LITAF: variants seen among roughly 807,000 people sequenced by gnomAD.
LITAF encodes lipopolysaccharide-induced tumor necrosis factor-alpha factor.
LITAF carries 9 observed loss-of-function variants against 14.5 expected under a neutral mutation model. The ratio of observed to expected loss-of-function variants is 0.62; its 90% confidence interval spans 0.37 to 1.08. LITAF has a LOEUF of 1.08. LITAF is among the 50% of genes least tolerant of loss of function. The probability of loss-of-function intolerance (pLI) is 0.01; values close to 1 mark genes in which losing one functional copy is unlikely to be tolerated. For synonymous variants in LITAF, 98 were observed against 88.2 expected (o/e 1.11, Z -0.62); for missense variants, 206 against 213.4 (o/e 0.97, Z 0.22).
upstream of LITAF, among the ~76,000 whole-genome samples, chr16:11,588,742 G>A (rs905670212): frequency 1.6e-4 from 24 of 152,126 alleles, no homozygotes; most frequent in East Asian, 2.9e-3. Flanking sequence ...CATTGCTAGG[G>A]AGACATAACA....
intron 1 of LITAF, among the ~76,000 whole-genome samples, chr16:11,579,252 C>A (rs2141824414): frequency 6.6e-6 from 1 of 151,702 alleles, no homozygotes; most frequent in South Asian, 2.1e-4. Context: ...GAGATCGAGA[C>A]CATCCTGGCT....
chr16:11,637,908 A>ATATATC (rs1208012312), upstream of LITAF, among the ~76,000 whole-genome samples: 51 of 59,592 alleles, frequency 8.6e-4, 6 homozygotes, highest in South Asian at 2.1e-3. Flanking sequence ...CTATATATAT[A>ATATATC]TATATCTATA....
intron 1 of LITAF, among the ~76,000 whole-genome samples, chr16:11,572,249 G>A (rs1375249133): frequency 6.6e-6 from 1 of 151,802 alleles, no homozygotes; most frequent in African/African-American, 2.4e-5. Context: ...CCCCAGGTAC[G>A]CAGGGTCTGC....
At chr16:11,636,110 A>G (rs2065137019) in intron 1 of LITAF, 1 of 152,222 alleles carries the variant, frequency 6.6e-6, no homozygotes, top group African/African-American at 2.4e-5. Context: ...CATCCCAAGC[A>G]TGGAGAAATT....
At position 11,612,956 on chromosome 16, in the gene LITAF, C is replaced by T. The variant is rs1375914375; in HGVS notation, c.85+20577G>A. Among the ~76,000 whole-genome samples the T allele has an allele frequency of 2.0e-5, 3 of 152,294 alleles. No individual in the cohort carries two copies. In the East Asian group the frequency reaches 5.8e-4, roughly 29 times the overall value. On this transcript the variant is annotated intron_variant, in intron 3 of 3. Transcript: ENST00000574848. The stretch of plus-strand genomic sequence containing the variant: ...CAAAAGCTGTCATCTTGGGGCACAG[C>T]CGATGGCCTGGGTGCCTCTTGATGG...
intron 3 of LITAF, among the ~76,000 whole-genome samples, chr16:11,616,203 G>A (rs990159426): frequency 6.6e-6 from 1 of 152,162 alleles, no homozygotes; most frequent in African/African-American, 2.4e-5. Flanking sequence ...GCTGGACACC[G>A]TGGCTCCCAC....
At position 11,564,226 on chromosome 16, in the gene LITAF, T is replaced by C. The variant is rs536376545; in HGVS notation, c.-5-7491A>G. 5.9e-4 allele frequency among the ~76,000 whole-genome samples: 89 copies of C among 152,036 alleles called. 1 individual carries two copies. Among genetic ancestry groups the C allele is most frequent in the Middle Eastern group, 3.4e-3 (1 of 294 alleles). On this transcript the variant is annotated intron_variant, in intron 1 of 3. Transcript: ENST00000622633. ...CGCCCGGCCTCAGTTTTGTTAAAAG[T>C]GGAGGCAAAAAACCCAGGAACCCGC... is the stretch of plus-strand genomic sequence containing the variant.
At chr16:11,603,353 C>A (rs1172275497), upstream of LITAF, among the ~76,000 whole-genome samples, 1 of 152,246 alleles carries the variant, frequency 6.6e-6, no homozygotes, top group African/African-American at 2.4e-5. Flanking sequence ...GAGCTGTCAG[C>A]AGGCTTTTGA....
chr16:11,550,065 G>A lies in LITAF; in HGVS notation c.378-320C>T, dbSNP rs180736705. Among the ~76,000 whole-genome samples, 131 of 152,292 alleles carry A rather than the reference G, an allele frequency of 8.6e-4. No homozygotes were observed. In the Middle Eastern group the frequency reaches 0.01, roughly 12 times the overall value. ...GAGGAGGCAAAAAATGATTCTCCCTGAAGCCTTAGGAGGGAGCGTGGCCCT... is the reference window on the plus strand; with the variant it reads ...GAGGAGGCAAAAAATGATTCTCCCTAAAGCCTTAGGAGGGAGCGTGGCCCT... On this transcript the variant is annotated intron_variant, in intron 3 of 3. Transcript: ENST00000622633.
At chr16:11,637,147 T>TCCCACAGTGCTATGATTATAGG (rs1277776302), upstream of LITAF, among the ~76,000 whole-genome samples, 1 of 152,214 alleles carries the variant, frequency 6.6e-6, no homozygotes, top group Non-Finnish European at 1.5e-5. Context: ...CACCTCGGCC[T>TCCCACAGTGCTATGATTATAGG]CCCACAGTGC....
intron 3 of LITAF, among the ~76,000 whole-genome samples, chr16:11,615,044 GACCAGTCGGTAC>G (rs2065008718): frequency 6.6e-6 from 1 of 152,188 alleles, no homozygotes; most frequent in Admixed American, 6.5e-5. Flanking sequence ...CGGGGTGGAT[GACCAGTCGGTAC>G]ACACTGGGAG....
chr16:11,625,782 G>A (rs1487506000), intron 3 of LITAF, among the ~76,000 whole-genome samples: 1 of 152,106 alleles, frequency 6.6e-6, no homozygotes, highest in Non-Finnish European at 1.5e-5. Flanking sequence ...GCCCGCGCTG[G>A]AGACAGAAAG....
chr16:11,552,887 G>C (rs1028045289), intron 3 of LITAF, among the ~76,000 whole-genome samples: 3 of 152,182 alleles, frequency 2.0e-5, no homozygotes, highest in Admixed American at 6.5e-5. Flanking sequence ...GCTGAGGCGG[G>C]TGGACCACCT....
rs546505521 is a variant in LITAF at position 11,583,326 on chromosome 16, G to A, written c.-6+3560C>T. On this transcript the variant is annotated intron_variant, in intron 1 of 3. Coordinates refer to ENST00000622633, the MANE Select transcript of LITAF (RefSeq NM_001136472.2). ...TTGTGGAATGGAAAATGCTTCCATC[G>A]GGGAGTTGGGCTGCTCCCCCACAAT... Among the ~76,000 whole-genome samples the A allele has an allele frequency of 4.6e-5, 7 of 152,268 alleles. No homozygotes were observed. The East Asian group carries it at 7.7e-4, about 17-fold the overall frequency.
At chr16:11,561,700 G>A (rs1232083321) in intron 1 of LITAF, 2 of 152,056 alleles carry the variant, frequency 1.3e-5, no homozygotes, top group Non-Finnish European at 2.9e-5. Context: ...ATGCCACCAC[G>A]GTTAGTCCCA....
chr16:11,615,275 G>A (rs779088999), intron 3 of LITAF, among the ~76,000 whole-genome samples: 6 of 152,188 alleles, frequency 3.9e-5, no homozygotes, highest in Admixed American at 1.3e-4. Flanking sequence ...GGTGGCTCAC[G>A]CCTGTAATCC....
At chr16:11,626,846 C>CT (rs969033225) in intron 3 of LITAF, among the ~76,000 whole-genome samples, 7 of 151,646 alleles carry the variant, frequency 4.6e-5, no homozygotes, top group East Asian at 1.9e-4. Context: ...TTTATTTCTT[C>CT]TTTTTTTTGT....
intron 3 of LITAF, among the ~76,000 whole-genome samples, chr16:11,627,655 C>T (rs2065092224): frequency 6.6e-6 from 1 of 152,154 alleles, no homozygotes; most frequent in African/African-American, 2.4e-5. Flanking sequence ...ACCAGCCTGG[C>T]CGACATGGCA....
Position 11,549,780 on chromosome 16 carries a change from T to A in LITAF, c.378-35A>T. The A allele has an allele frequency of 6.5e-7, 1 of 1,531,052 alleles. No homozygotes were observed. The highest frequency in any genetic ancestry group is 9.0e-7 in the Non-Finnish European group (1 of 1,112,946). 94.8% of individuals were successfully genotyped at this position (1,531,052 alleles called of 1,614,324 possible). A position where few individuals can be genotyped will look rare whatever the true frequency, so the allele number is the denominator to read the frequency against. ...GAGAGAGACACACGGAGCGCGTTAC[T>A]GATCACAACAGGGTGAACACTGGCT... On this transcript the variant is annotated intron_variant, in intron 3 of 3. Transcript: ENST00000622633. This position sits in a 1 kb window ranked among gnomAD's most constrained non-coding sequence, Gnocchi z 4.6.
Sources: gnomAD v4.1 joint callset for allele counts (sites outside exome capture counted in the v4.1 genomes callset) on GRCh38, gnomAD v4.1.1 for gene constraint, Gnocchi (gnomAD v3.1) non-coding constraint, MANE v1.5 for transcripts, NCBI Gene and HGNC (gene_info 2026-07-23, HGNC 2026-07-21) for gene names.